Variants in SLC38A4 observed in about 807,000 individuals in gnomAD.
SLC38A4 encodes the protein sodium-coupled neutral amino acid transporter 4.
In SLC38A4, 20 loss-of-function variants were observed where a neutral mutation model predicts 63.1. The ratio of observed to expected loss-of-function variants is 0.32; its 90% confidence interval spans 0.22 to 0.46. The LOEUF is 0.46. Among genes scored for constraint, SLC38A4 ranks in the 20% least tolerant of loss-of-function variants. The pLI is 1.00. For synonymous variants in SLC38A4, 230 were observed against 225.5 expected, an observed-to-expected ratio of 1.02 and a Z score of -0.18; for missense variants, 526 against 663.6, an observed-to-expected ratio of 0.79 and a Z score of 2.28.
chr12:46,804,728 A>G (rs1015793347), intron 1 of SLC38A4, among the ~76,000 whole-genome samples: 2 of 152,034 alleles, frequency 1.3e-5, no homozygotes, highest in African/African-American at 4.8e-5. Context: ...ACTGTATAGT[A>G]TTGCAAACTT....
intron 12 of SLC38A4, 62 bp from the exon 13 acceptor site, chr12:46,777,066 A>G: frequency 7.6e-7 from 1 of 1,308,574 alleles, no homozygotes; most frequent in Non-Finnish European, 1.1e-6. Flanking sequence ...TCACTTTTCA[A>G]AATGAAAATA....
chr12:46,783,331 A>G (rs989232042), intron 7 of SLC38A4, among the ~76,000 whole-genome samples: 2 of 151,906 alleles, frequency 1.3e-5, no homozygotes, highest in African/African-American at 4.8e-5. Context: ...GAGCAGAAGA[A>G]CTAGACGAAG....
At chr12:46,821,476 GTGGGCTTACTTC>G (rs1256347484) in intron 1 of SLC38A4, among the ~76,000 whole-genome samples, 5 of 152,028 alleles carry the variant, frequency 3.3e-5, no homozygotes, top group African/African-American at 9.7e-5. Flanking sequence ...CCATATATGT[GTGGGCTTACTTC>G]TGGGCTCTCT....
rs1252722442 is a variant in SLC38A4 at position 46,778,495 on chromosome 12, A to G, written c.993+6T>C. The G allele has an allele frequency of 1.9e-6, 3 of 1,610,332 alleles. No individual in the cohort carries two copies. In the South Asian group the frequency reaches 3.3e-5, roughly 18 times the overall value. ...TACTCATTAGAAGCCCGGACCGCTC[A>G]CTTACCCGGGAGTTGAATACAAAGT... On this transcript the variant is annotated splice_donor_region_variant and intron_variant, in intron 11 of 16. Coordinates refer to ENST00000266579, the MANE Select transcript of SLC38A4 (RefSeq NM_018018.5).
intron 14 of SLC38A4, among the ~76,000 whole-genome samples, chr12:46,772,148 AG>A (rs1248394326): frequency 6.7e-6 from 1 of 150,066 alleles, no homozygotes; most frequent in East Asian, 2.0e-4. Context: ...AAAAAAAAAA[AG>A]CCTCTCCCAT....
At chr12:46,808,130 A>G (rs1939271998) in intron 1 of SLC38A4, among the ~76,000 whole-genome samples, 1 of 152,026 alleles carries the variant, frequency 6.6e-6, no homozygotes, top group African/African-American at 2.4e-5. Context: ...ACACACATAC[A>G]ATACAAATGA....
chr12:46,827,285 T>TA (rs1459809825), upstream of SLC38A4, among the ~76,000 whole-genome samples: 1 of 152,230 alleles, frequency 6.6e-6, no homozygotes, highest in Non-Finnish European at 1.5e-5. Flanking sequence ...ACATTTCGTA[T>TA]GGACATTTGC....
In SLC38A4 at chr12:46,778,654, A is replaced by T. The variant is rs1938579202; in HGVS notation, c.840T>A (p.Ser280Arg). ...AATCCATCATGAAGTTCACATCAGAACTCTCAGAGTTGTTGGGTAACATTA... is the reference window on the plus strand; with the variant it reads ...AATCCATCATGAAGTTCACATCAGATCTCTCAGAGTTGTTGGGTAACATTA... ...HVVMLPNNSE[S>R]SDVNFMMDYT... Residue 280 changes from serine (S) to arginine (R), a missense_variant, in exon 11 of 17, where the codon AGT (serine) becomes AGA (arginine). By Grantham distance (110) the Ser-to-Arg change is moderately radical. Coordinates refer to ENST00000266579, the MANE Select transcript of SLC38A4 (RefSeq NM_018018.5). The T allele has an allele frequency of 6.2e-7, 1 of 1,612,930 alleles. No homozygotes were observed. The highest frequency in any genetic ancestry group is 8.5e-7 in the Non-Finnish European group (1 of 1,179,368).
intron 1 of SLC38A4, among the ~76,000 whole-genome samples, chr12:46,819,517 G>A (rs1592197491): frequency 1.3e-5 from 2 of 151,770 alleles, no homozygotes; most frequent in East Asian, 3.9e-4. Context: ...AAGATGTGAT[G>A]ATATTTTAGT....
At position 46,765,519 on chromosome 12, in the gene SLC38A4, G is replaced by A. The variant is rs966904518; in HGVS notation, c.*1182C>T. ...TCATCCTATTATTGTAAATATTGAA[G>A]AAGAGCATTGCCAAACTATATATAA... On this transcript the variant is annotated 3_prime_UTR_variant, in exon 17 of 17. Coordinates refer to ENST00000266579, the MANE Select transcript of SLC38A4 (RefSeq NM_018018.5). The A allele has an allele frequency of 3.3e-6, 1 of 306,386 alleles. No homozygotes were observed. The highest frequency in any genetic ancestry group is 6.3e-6 in the Non-Finnish European group (1 of 158,378). 19.0% of individuals were successfully genotyped at this position (306,386 alleles called of 1,614,324 possible).
intron 1 of SLC38A4, among the ~76,000 whole-genome samples, chr12:46,812,724 C>A (rs1366334348): frequency 2.6e-5 from 4 of 151,964 alleles, no homozygotes; most frequent in African/African-American, 9.7e-5. Flanking sequence ...AGCCAAATTT[C>A]TTTCTCCCTG....
rs113521863 is a variant in SLC38A4, at chr12:46,796,144, T to C, written c.-112-2961A>G. ...TATTTCCTCAATGTCACATCCAAAA[T>C]AACAAATTTCACCTTCAGCTATATC... On this transcript the variant is annotated intron_variant, in intron 2 of 16. Transcript: ENST00000266579. Among the ~76,000 whole-genome samples, 129 of 152,244 alleles carry C rather than the reference T, an allele frequency of 8.5e-4. 2 individuals carry two copies. Among genetic ancestry groups the C allele is most frequent in the African/African-American group, 3.0e-3 (124 of 41,574 alleles).
chr12:46,828,126 C>T (rs1254775564), upstream of SLC38A4, among the ~76,000 whole-genome samples: 1 of 152,108 alleles, frequency 6.6e-6, no homozygotes, highest in Non-Finnish European at 1.5e-5. Flanking sequence ...CTTTCTCAGT[C>T]TGGTCTCTCC....
At chr12:46,786,214 C>T (rs1427935689) in intron 5 of SLC38A4, among the ~76,000 whole-genome samples, 2 of 151,756 alleles carry the variant, frequency 1.3e-5, no homozygotes, top group Non-Finnish European at 2.9e-5. Context: ...AATTTTGTTC[C>T]CTGGAAAAAT....
chr12:46,810,528 C>G (rs749459534), intron 1 of SLC38A4, among the ~76,000 whole-genome samples: 75 of 151,054 alleles, frequency 5.0e-4, no homozygotes, highest in Non-Finnish European at 9.1e-4. Context: ...TACCCCAGAA[C>G]TTACAGTATA....
At chr12:46,816,517 T>C (rs1023717752) in intron 1 of SLC38A4, among the ~76,000 whole-genome samples, 1 of 151,958 alleles carries the variant, frequency 6.6e-6, no homozygotes, top group African/African-American at 2.4e-5. Flanking sequence ...ATTTCTAAAG[T>C]ATATGCATAA....
chr12:46,823,481 T>C (rs529653884), intron 1 of SLC38A4, among the ~76,000 whole-genome samples: 2 of 152,334 alleles, frequency 1.3e-5, no homozygotes, highest in South Asian at 4.1e-4. Flanking sequence ...TTTCTTCATG[T>C]TGAGACTTTG....
upstream of SLC38A4, among the ~76,000 whole-genome samples, chr12:46,830,323 C>G (rs1254355027): frequency 1.3e-5 from 2 of 152,010 alleles, no homozygotes; most frequent in African/African-American, 4.8e-5. Context: ...CACACACACA[C>G]ACACACACTC....
intron 1 of SLC38A4, among the ~76,000 whole-genome samples, chr12:46,831,101 G>A (rs572081068): frequency 6.6e-6 from 1 of 152,190 alleles, no homozygotes; most frequent in Non-Finnish European, 1.5e-5. Context: ...ATCTCTGCCT[G>A]CTGGATCACA....
Sources: gnomAD v4.1 joint callset for allele counts (sites outside exome capture counted in the v4.1 genomes callset) on GRCh38, gnomAD v4.1.1 for gene constraint, MANE v1.5 for transcripts, NCBI Gene and HGNC (gene_info 2026-07-23, HGNC 2026-07-21) for gene names.